Variants in AP2B1 observed in about 807,000 individuals in gnomAD.
AP2B1 encodes adaptor related protein complex 2 subunit beta 1.
A neutral mutation model predicts 102.0 loss-of-function variants in AP2B1; 23 were observed. The ratio of observed to expected loss-of-function variants is 0.23; its 90% confidence interval spans 0.16 to 0.32. The LOEUF (loss-of-function observed/expected upper bound fraction) is 0.32, where lower values mean the gene tolerates loss of function less well. Ranked by LOEUF, AP2B1 falls within the 10% of genes least tolerant of loss-of-function variation. The pLI is 1.00. For synonymous variants in AP2B1, 381 were observed against 421.2 expected (o/e 0.90, Z 1.17); for missense variants, 541 against 1,157.4 (o/e 0.47, Z 7.73).
At chr17:35,671,687 C>A in intron 15 of AP2B1, 67 bp from the exon 16 acceptor site, 3 of 1,487,576 alleles carry the variant, frequency 2.0e-6, no homozygotes, top group Non-Finnish European at 2.8e-6. Flanking sequence ...AGATATATAG[C>A]AATATTTTAA....
chr17:35,700,739 A>G (rs2076224155), intron 18 of AP2B1, among the ~76,000 whole-genome samples: 1 of 152,224 alleles, frequency 6.6e-6, no homozygotes, highest in South Asian at 2.1e-4. Flanking sequence ...CTCCTGCAGC[A>G]GGCTTTCTAT....
chr17:35,695,202 G>A (rs1267022163), intron 18 of AP2B1, among the ~76,000 whole-genome samples: 2 of 152,184 alleles, frequency 1.3e-5, no homozygotes, highest in African/African-American at 4.8e-5. Flanking sequence ...GAGAGGATTA[G>A]GGGCCAGTAA....
At position 35,610,251 on chromosome 17, in the gene AP2B1, TCTC is replaced by T. The variant is rs563771267; in HGVS notation, c.525+1870_525+1872del. On this transcript the variant is annotated intron_variant, in intron 5 of 21. Coordinates refer to ENST00000610402, the MANE Select transcript of AP2B1 (RefSeq NM_001030006.2). ...CCTCTACCTTCTGGGTTCAAGCGAT[TCTC>T]CTCCTGCCTCAGCCTCCTTAGTAAC... is the stretch of plus-strand genomic sequence containing the variant. Among the ~76,000 whole-genome samples, 1,100 of 152,024 alleles carry T rather than the reference TCTC, an allele frequency of 7.2e-3. 6 individuals are homozygous for T. Among genetic ancestry groups the T allele is most frequent in the Middle Eastern group, 0.017 (5 of 294 alleles).
At chr17:35,709,177 C>G in intron 18 of AP2B1, 47 bp from the exon 19 acceptor site, 1 of 1,530,146 alleles carries the variant, frequency 6.5e-7, no homozygotes, top group Non-Finnish European at 9.1e-7. Flanking sequence ...TTCCTCCTAC[C>G]TGGCTCCCTG....
chr17:35,608,567 A>G (rs1220720130), intron 5 of AP2B1, among the ~76,000 whole-genome samples, 180 bp downstream of exon 5: 1 of 152,228 alleles, frequency 6.6e-6, no homozygotes, highest in Non-Finnish European at 1.5e-5. Flanking sequence ...GTGAGAACCA[A>G]GTACTAAAAT....
chr17:35,630,944 C>G (rs1315670947), intron 9 of AP2B1, among the ~76,000 whole-genome samples: 1 of 152,158 alleles, frequency 6.6e-6, no homozygotes, highest in East Asian at 1.9e-4. Flanking sequence ...CCAAGCCAAA[C>G]AGTTAATTGG....
At chr17:35,630,301 T>C (rs572873191) in intron 9 of AP2B1, among the ~76,000 whole-genome samples, 1 of 152,386 alleles carries the variant, frequency 6.6e-6, no homozygotes, top group Admixed American at 6.5e-5. Context: ...ATGTTTCTCT[T>C]CATTGGAGAA....
chr17:35,666,807 G>A (rs1159510445), intron 14 of AP2B1, among the ~76,000 whole-genome samples: 1 of 152,112 alleles, frequency 6.6e-6, no homozygotes, highest in Non-Finnish European at 1.5e-5. Context: ...GATAAGTATG[G>A]GCTTAGAGTA....
chr17:35,590,159 T>C lies in AP2B1; in HGVS notation c.-24+2731T>C, dbSNP rs530856998. On this transcript the variant is annotated intron_variant, in intron 1 of 21. Coordinates refer to ENST00000610402, the MANE Select transcript of AP2B1 (RefSeq NM_001030006.2). ...CAGGATGGTCTCGATCTCCTGACCT[T>C]GTGATCCGCCCGCCTCCCAAAGTGC... is the stretch of plus-strand genomic sequence containing the variant. 5.9e-5 allele frequency among the ~76,000 whole-genome samples: 9 copies of C among 152,044 alleles called. 1 individual carries two copies. Among genetic ancestry groups the C allele is most frequent in the Non-Finnish European group, 1.3e-4 (9 of 67,994 alleles).
chr17:35,664,322 T>C lies in AP2B1; in HGVS notation c.1989+6531T>C, dbSNP rs543410388. Among the ~76,000 whole-genome samples the C allele has an allele frequency of 4.6e-5, 7 of 152,232 alleles. No individual in the cohort carries two copies. The East Asian group carries it at 1.4e-3, about 29-fold the overall frequency. On this transcript the variant is annotated intron_variant, in intron 14 of 21. Transcript: ENST00000610402. ...AAGCTACAGTACAGTGGTGTGATCA[T>C]AGCTCACTGCAGCCTCAAACTCCTG...
intron 13 of AP2B1, among the ~76,000 whole-genome samples, chr17:35,653,760 G>GC (rs1225018326): frequency 6.6e-6 from 1 of 152,100 alleles, no homozygotes; most frequent in Non-Finnish European, 1.5e-5. Flanking sequence ...GCAGACGTGA[G>GC]CCACTGCGCC....
intron 12 of AP2B1, among the ~76,000 whole-genome samples, chr17:35,642,514 G>A (rs1376823120): frequency 6.6e-6 from 1 of 152,158 alleles, no homozygotes; most frequent in Non-Finnish European, 1.5e-5. Context: ...GTGGCAGCTG[G>A]CTTTAAATAT....
intron 2 of AP2B1, among the ~76,000 whole-genome samples, chr17:35,596,726 G>C (rs2073293353): frequency 6.6e-6 from 1 of 152,096 alleles, no homozygotes; most frequent in African/African-American, 2.4e-5. Context: ...AGAAGCCCAC[G>C]GCGGCGCACA....
chr17:35,623,265 T>A lies in AP2B1; in HGVS notation c.526-1132T>A, dbSNP rs141939577. On this transcript the variant is annotated intron_variant, in intron 5 of 21. Transcript: ENST00000610402. ...CAGGATACAAGTGTACTTTCTAGTATAAGGTAGCAATTTTTCAGCCGGGCA... is the reference window on the plus strand; with the variant it reads ...CAGGATACAAGTGTACTTTCTAGTAAAAGGTAGCAATTTTTCAGCCGGGCA... Among the ~76,000 whole-genome samples the A allele has an allele frequency of 2.0e-3, 297 of 152,238 alleles. 8 individuals carry two copies. The East Asian group carries it at 0.05, about 26-fold the overall frequency.
At chr17:35,602,349 T>C (rs1291116093) in intron 3 of AP2B1, among the ~76,000 whole-genome samples, 3 of 152,212 alleles carry the variant, frequency 2.0e-5, no homozygotes, top group African/African-American at 7.2e-5. Flanking sequence ...AGAACCCTTC[T>C]TGGAGATGAA....
chr17:35,594,678 G>A (rs1353331144), intron 2 of AP2B1, among the ~76,000 whole-genome samples: 1 of 152,168 alleles, frequency 6.6e-6, no homozygotes, highest in Non-Finnish European at 1.5e-5. Flanking sequence ...TCGTCTAGAT[G>A]TATATTTAAA....
chr17:35,628,271 A>G (rs766806273), intron 9 of AP2B1, among the ~76,000 whole-genome samples: 1 of 152,196 alleles, frequency 6.6e-6, no homozygotes, highest in East Asian at 1.9e-4. Flanking sequence ...CCAATCTCCC[A>G]TGGATTTGGA....
chr17:35,648,163 AC>A (rs2142799480), intron 12 of AP2B1, among the ~76,000 whole-genome samples: 1 of 152,272 alleles, frequency 6.6e-6, no homozygotes, highest in African/African-American at 2.4e-5. Flanking sequence ...ATATAGACAT[AC>A]TTTTGAGGTA....
At chr17:35,686,972 G>A (rs587722375) in intron 18 of AP2B1, among the ~76,000 whole-genome samples, 6 of 152,160 alleles carry the variant, frequency 3.9e-5, no homozygotes, top group South Asian at 4.1e-4. Context: ...GCGAGACTCC[G>A]TCTCAAAAAG....
Sources: gnomAD v4.1 joint callset for allele counts (sites outside exome capture counted in the v4.1 genomes callset) on GRCh38, gnomAD v4.1.1 for gene constraint, MANE v1.5 for transcripts, NCBI Gene and HGNC (gene_info 2026-07-23, HGNC 2026-07-21) for gene names.